LEKR1: variants seen among roughly 807,000 people sequenced by gnomAD.
The protein encoded by LEKR1 is protein LEKR1.
In LEKR1, 59 loss-of-function variants were observed where a neutral mutation model predicts 72.4. The observed-to-expected ratio is 0.82, with a 90% CI of 0.66 to 1.01. LEKR1 has a LOEUF of 1.01. LEKR1 is among the 50% of genes least tolerant of loss of function. The pLI, the probability that LEKR1 is intolerant of heterozygous loss-of-function variation, is 0.00. For synonymous variants in LEKR1, 257 were observed against 263.2 expected (o/e 0.98, Z 0.23); for missense variants, 728 against 759.2 (o/e 0.96, Z 0.48).
chr3:156,871,514 T>A (rs963579607), intron 3 of LEKR1, among the ~76,000 whole-genome samples: 4 of 152,294 alleles, frequency 2.6e-5, no homozygotes, highest in African/African-American at 9.6e-5. Flanking sequence ...TAGTTCTAGA[T>A]CCCTGAGGAG....
At chr3:156,923,886 C>T (rs1005235959) in intron 4 of LEKR1, among the ~76,000 whole-genome samples, 2 of 152,088 alleles carry the variant, frequency 1.3e-5, no homozygotes, top group African/African-American at 2.4e-5. Flanking sequence ...CGCCGCCATG[C>T]CTGGCTAATT....
In LEKR1 at chr3:156,874,305, T is replaced by TA. The variant is rs544134741; in HGVS notation, c.263+21330dup. Reference sequence around the variant, plus strand: ...ATTGTCTTTCAGTATTCTCTTTTTTTAAAAAAAGGATATCTATTTTCATTA... The same window carrying TA: ...ATTGTCTTTCAGTATTCTCTTTTTTTAAAAAAAAGGATATCTATTTTCATTA... On this transcript the variant is annotated intron_variant, in intron 3 of 12. Coordinates refer to ENST00000356539, the MANE Select transcript of LEKR1 (RefSeq NM_001004316.3). Among the ~76,000 whole-genome samples the TA allele has an allele frequency of 2.8e-3, 431 of 152,112 alleles. 1 individual carries two copies. The highest frequency in any genetic ancestry group is 9.9e-3 in the African/African-American group (410 of 41,536).
At chr3:156,961,674 TG>T (rs899401594) in intron 6 of LEKR1, among the ~76,000 whole-genome samples, 4 of 152,196 alleles carry the variant, frequency 2.6e-5, no homozygotes, top group African/African-American at 9.6e-5. Flanking sequence ...GTGGTTCAGT[TG>T]GAAAAAATAC....
Position 156,927,478 on chromosome 3 carries a change from C to A in LEKR1, c.433C>A (p.Leu145Ile). ...TTTCTGGAATAAGACTCTTTCATTA[C>A]TTACTTTTACTAAAAGGGAACTAAC... Reference protein sequence around the residue: ...KYFWNKTLSLLTFTKRELTSI... With the variant: ...KYFWNKTLSLITFTKRELTSI... Residue 145 changes from leucine to isoleucine, a missense_variant, in exon 5 of 13, where the codon CTT becomes ATT. Physicochemically the swap from Leu to Ile is conservative, Grantham distance 5. Coordinates refer to ENST00000356539, the MANE Select transcript of LEKR1 (RefSeq NM_001004316.3). 1 of 1,176,890 alleles carries A rather than the reference C, an allele frequency of 8.5e-7. No homozygotes were observed. The highest frequency in any genetic ancestry group is 1.1e-6 in the Non-Finnish European group (1 of 926,204). The allele number at this position is 1,176,890 out of a possible 1,614,324, so 72.9% of individuals were successfully genotyped here. A position where few individuals can be genotyped will look rare whatever the true frequency, so the allele number is the denominator to read the frequency against.
intron 10 of LEKR1, among the ~76,000 whole-genome samples, chr3:157,016,727 A>T (rs926963678): frequency 3.3e-5 from 5 of 152,160 alleles, no homozygotes; most frequent in Admixed American, 2.6e-4. Context: ...ATAATTGATG[A>T]TATTTATAAC....
chr3:156,992,112 G>A (rs1560132026), intron 7 of LEKR1, among the ~76,000 whole-genome samples: 1 of 152,110 alleles, frequency 6.6e-6, no homozygotes, highest in Non-Finnish European at 1.5e-5. Context: ...AATTTATGTG[G>A]AGTATTTGGG....
At chr3:156,924,666 C>T (rs767041485) in intron 4 of LEKR1, 6 of 431,050 alleles carry the variant, frequency 1.4e-5, no homozygotes, top group South Asian at 1.4e-4. Flanking sequence ...TCCTGTTTCA[C>T]GTGGATATTC....
At chr3:156,975,952 G>A (rs953552307) in intron 6 of LEKR1, among the ~76,000 whole-genome samples, 2 of 152,128 alleles carry the variant, frequency 1.3e-5, no homozygotes, top group Non-Finnish European at 2.9e-5. Context: ...TTTAACTATA[G>A]AGAAGGACTG....
chr3:157,032,364 G>T (rs1352304351), intron 12 of LEKR1, among the ~76,000 whole-genome samples: 1 of 152,188 alleles, frequency 6.6e-6, no homozygotes, highest in Non-Finnish European at 1.5e-5. Context: ...AGCCAAAAGA[G>T]CAGTAGTTTT....
intron 3 of LEKR1, among the ~76,000 whole-genome samples, chr3:156,875,574 T>C (rs1380812432): frequency 6.6e-6 from 1 of 152,216 alleles, no homozygotes; most frequent in East Asian, 1.9e-4. Context: ...CATTTGCTTT[T>C]GGGTTCTTGG....
intron 3 of LEKR1, among the ~76,000 whole-genome samples, chr3:156,910,414 A>G (rs1722994530): frequency 6.6e-6 from 1 of 152,128 alleles, no homozygotes; most frequent in Non-Finnish European, 1.5e-5. Context: ...GCTTAGGATA[A>G]TGGTTTCCAT....
chr3:156,857,639 A>T (rs1716229777), intron 3 of LEKR1, among the ~76,000 whole-genome samples: 1 of 152,204 alleles, frequency 6.6e-6, no homozygotes, highest in Non-Finnish European at 1.5e-5. Context: ...TTTGAAAATT[A>T]TGTTGACACT....
At chr3:156,932,202 CA>C (rs1455002953) in intron 5 of LEKR1, among the ~76,000 whole-genome samples, 1 of 151,878 alleles carries the variant, frequency 6.6e-6, no homozygotes, top group African/African-American at 2.4e-5. Flanking sequence ...GTCCAGTATA[CA>C]ATAATTTTAA....
chr3:156,849,518 C>G (rs889446506), intron 2 of LEKR1, among the ~76,000 whole-genome samples: 1 of 152,154 alleles, frequency 6.6e-6, no homozygotes, highest in Non-Finnish European at 1.5e-5. Flanking sequence ...TACTACAAGG[C>G]TACAGTAACC....
chr3:157,018,415 A>G (rs1040598195), intron 10 of LEKR1, among the ~76,000 whole-genome samples: 2 of 152,374 alleles, frequency 1.3e-5, no homozygotes, highest in Non-Finnish European at 1.5e-5. Context: ...AAAATCGACC[A>G]TATTTTGGCT....
At chr3:156,838,844 T>C (rs1005964831) in intron 2 of LEKR1, among the ~76,000 whole-genome samples, 6 of 152,098 alleles carry the variant, frequency 3.9e-5, no homozygotes, top group Non-Finnish European at 7.4e-5. Flanking sequence ...CCCAAACTTA[T>C]AATAGCCCGA....
intron 11 of LEKR1, among the ~76,000 whole-genome samples, chr3:157,025,706 T>C (rs1734135724): frequency 6.6e-6 from 1 of 152,188 alleles, no homozygotes; most frequent in Non-Finnish European, 1.5e-5. Flanking sequence ...TTTGGATTTA[T>C]TGCTTTGCAG....
At chr3:156,877,461 T>C (rs1718741550) in intron 3 of LEKR1, among the ~76,000 whole-genome samples, 1 of 152,148 alleles carries the variant, frequency 6.6e-6, no homozygotes, top group Admixed American at 6.5e-5. Flanking sequence ...TGTTTTTTTG[T>C]TGGCAACTTT....
At chr3:157,012,197 G>A (rs1451501351) in intron 10 of LEKR1, among the ~76,000 whole-genome samples, 1 of 152,080 alleles carries the variant, frequency 6.6e-6, no homozygotes, top group Non-Finnish European at 1.5e-5. Flanking sequence ...TAAACTTCCA[G>A]TACTCCTTGA....
Sources: gnomAD v4.1 joint callset for allele counts (sites outside exome capture counted in the v4.1 genomes callset) on GRCh38, gnomAD v4.1.1 for gene constraint, MANE v1.5 for transcripts, NCBI Gene and HGNC (gene_info 2026-07-23, HGNC 2026-07-21) for gene names.